Variants in HHAT observed in about 807,000 individuals in gnomAD.
HHAT encodes protein-cysteine N-palmitoyltransferase HHAT.
In HHAT, 47 loss-of-function variants were observed where a neutral mutation model predicts 70.8. The ratio of observed to expected loss-of-function variants is 0.66; its 90% confidence interval spans 0.53 to 0.85. The LOEUF is 0.85. HHAT is among the 40% of genes least tolerant of loss of function. The probability of loss-of-function intolerance (pLI) is 0.00; values close to 1 mark genes in which losing one functional copy is unlikely to be tolerated. For missense variants in HHAT, 609 were observed against 604.8 expected, an observed-to-expected ratio of 1.01 and a Z score of -0.07; for synonymous variants, 228 against 247.6, an observed-to-expected ratio of 0.92 and a Z score of 0.74.
chr1:210,489,261 C>T (rs184108750), intron 8 of HHAT, among the ~76,000 whole-genome samples: 2 of 152,260 alleles, frequency 1.3e-5, no homozygotes, highest in Admixed American at 6.5e-5. Context: ...CCCTAAACAG[C>T]TAGTAGCGGG....
At chr1:210,624,696 G>A (rs545182987) in intron 11 of HHAT, among the ~76,000 whole-genome samples, 9 of 152,328 alleles carry the variant, frequency 5.9e-5, no homozygotes, top group Non-Finnish European at 1.3e-4. Context: ...ATAATTGATC[G>A]TTGTTTATTT....
intron 2 of HHAT, among the ~76,000 whole-genome samples, chr1:210,354,512 A>G (rs771541417): frequency 6.6e-6 from 1 of 152,026 alleles, no homozygotes; most frequent in Non-Finnish European, 1.5e-5. Flanking sequence ...TTCTTTTGTT[A>G]AAATTTATTT....
At chr1:210,370,807 G>C (rs912327991) in intron 3 of HHAT, among the ~76,000 whole-genome samples, 8 of 151,576 alleles carry the variant, frequency 5.3e-5, no homozygotes, top group Non-Finnish European at 1.2e-4. Flanking sequence ...GTAGAGACGG[G>C]GTTTCACCGC....
At chr1:210,641,969 A>AATGGG (rs1673060548) in intron 11 of HHAT, among the ~76,000 whole-genome samples, 1 of 152,232 alleles carries the variant, frequency 6.6e-6, no homozygotes. Context: ...AGTTCTTAAC[A>AATGGG]ATTTTACATG....
intron 11 of HHAT, among the ~76,000 whole-genome samples, chr1:210,634,733 GA>G (rs1377104819): frequency 1.3e-5 from 2 of 152,154 alleles, no homozygotes; most frequent in Non-Finnish European, 2.9e-5. Flanking sequence ...CTAACCTCTT[GA>G]TTACTTTTCT....
intron 8 of HHAT, among the ~76,000 whole-genome samples, chr1:210,511,780 CTTTTTTTTTTTTTTT>C (rs201825628): frequency 5.7e-5 from 5 of 88,478 alleles, no homozygotes; most frequent in South Asian, 9.1e-4. Flanking sequence ...GCCGCCTGGT[CTTTTTTTTTTTTTTT>C]TTTTTTTTTT....
At chr1:210,555,961 G>GT (rs2095568434) in intron 9 of HHAT, among the ~76,000 whole-genome samples, 1 of 152,126 alleles carries the variant, frequency 6.6e-6, no homozygotes, top group African/African-American at 2.4e-5. Context: ...TGGAGGCCCT[G>GT]TTTTTGAAAG....
At chr1:210,606,608 C>A (rs1181255096) in intron 10 of HHAT, among the ~76,000 whole-genome samples, 1 of 152,164 alleles carries the variant, frequency 6.6e-6, no homozygotes, top group African/African-American at 2.4e-5. Flanking sequence ...TGATGCTTCC[C>A]TTCTCCTCTC....
chr1:210,342,548 T>A (rs2086130706), intron 1 of HHAT, among the ~76,000 whole-genome samples: 2 of 152,214 alleles, frequency 1.3e-5, no homozygotes, highest in African/African-American at 4.8e-5. Context: ...CCCTATAGAT[T>A]GGCCGTTTTC....
chr1:210,532,451 A>G (rs2095324882), intron 9 of HHAT, among the ~76,000 whole-genome samples: 1 of 152,324 alleles, frequency 6.6e-6, no homozygotes, highest in Non-Finnish European at 1.5e-5. Flanking sequence ...TCATGGCCTT[A>G]GGAAAGTCAC....
intron 10 of HHAT, among the ~76,000 whole-genome samples, chr1:210,604,774 G>A (rs1305607070): frequency 6.6e-6 from 1 of 152,158 alleles, no homozygotes; most frequent in Non-Finnish European, 1.5e-5. Context: ...CCAACACTTT[G>A]AGGGGCCAAG....
At chr1:210,589,247 A>G (rs963761809) in intron 10 of HHAT, 1 of 152,272 alleles carries the variant, frequency 6.6e-6, no homozygotes, top group Non-Finnish European at 1.5e-5. Flanking sequence ...AAAGATAGCC[A>G]TAGTACAAGT....
At chr1:210,435,933 G>C (rs1434928445) in intron 7 of HHAT, among the ~76,000 whole-genome samples, 1 of 151,660 alleles carries the variant, frequency 6.6e-6, no homozygotes, top group Non-Finnish European at 1.5e-5. Context: ...TTTGTTGATT[G>C]TTTCTTTTGC....
intron 10 of HHAT, among the ~76,000 whole-genome samples, chr1:210,612,753 A>G (rs1160122268): frequency 6.6e-6 from 1 of 152,146 alleles, no homozygotes; most frequent in Non-Finnish European, 1.5e-5. Flanking sequence ...ACCATTTTAC[A>G]TTCTCACCAG....
At chr1:210,616,611 T>G (rs1037647313) in intron 10 of HHAT, among the ~76,000 whole-genome samples, 2 of 152,206 alleles carry the variant, frequency 1.3e-5, no homozygotes, top group Non-Finnish European at 2.9e-5. Context: ...AAAATCCACT[T>G]TGTGTATGGC....
intron 9 of HHAT, among the ~76,000 whole-genome samples, chr1:210,572,733 T>G (rs578077764): frequency 1.3e-5 from 2 of 151,776 alleles, no homozygotes; most frequent in South Asian, 4.2e-4. Context: ...GTCTCTAAAA[T>G]ATATAAAAAA....
At position 210,676,225 on chromosome 1, in the gene HHAT, A is replaced by C. The variant is rs1041194352; in HGVS notation, c.*1846A>C. The C allele has an allele frequency of 2.6e-5, 4 of 152,234 alleles. No homozygotes were observed. Among genetic ancestry groups the C allele is most frequent in the African/African-American group, 9.6e-5 (4 of 41,454 alleles). 9.4% of individuals were successfully genotyped at this position (152,234 alleles called of 1,614,324 possible). A position where few individuals can be genotyped will look rare whatever the true frequency, so the allele number is the denominator to read the frequency against. On this transcript the variant is annotated 3_prime_UTR_variant, in exon 12 of 12. Coordinates refer to ENST00000261458, the MANE Select transcript of HHAT (RefSeq NM_018194.6). ...ATATATTTGAAAGTGGTAATCCTGA[A>C]TCTCTTTTAAACTATTATATGATTC...
At chr1:210,353,918 A>G (rs1431003250) in intron 2 of HHAT, among the ~76,000 whole-genome samples, 1 of 151,948 alleles carries the variant, frequency 6.6e-6, no homozygotes, top group Non-Finnish European at 1.5e-5. Flanking sequence ...TGCTTAGCTC[A>G]TTTACTTTGT....
chr1:210,575,579 G>T (rs1465451119), intron 9 of HHAT, among the ~76,000 whole-genome samples: 2 of 152,282 alleles, frequency 1.3e-5, no homozygotes, highest in Non-Finnish European at 2.9e-5. Context: ...GAGGGAAACA[G>T]TATATACCCC....
Sources: allele counts gnomAD v4.1 joint callset (sites outside exome capture counted in the v4.1 genomes callset), GRCh38; gene constraint gnomAD v4.1.1; transcripts MANE v1.5; gene names NCBI Gene and HGNC (gene_info 2026-07-23, HGNC 2026-07-21).